SCFD2: variants seen among roughly 807,000 people sequenced by gnomAD.
SCFD2 encodes sec1 family domain-containing protein 2.
In SCFD2, 54 loss-of-function variants were observed where a neutral mutation model predicts 58.9. The ratio of observed to expected loss-of-function variants is 0.92; its 90% CI spans 0.74 to 1.15. SCFD2 has a LOEUF of 1.15. SCFD2 is among the 50% of genes most tolerant of loss of function. The pLI is 0.00. For missense variants in SCFD2, 805 were observed against 836.6 expected (o/e 0.96, Z 0.47); for synonymous variants, 321 against 335.9 (o/e 0.96, Z 0.49).
At chr4:53,221,559 T>TC (rs1729047873) in intron 4 of SCFD2, among the ~76,000 whole-genome samples, 1 of 152,242 alleles carries the variant, frequency 6.6e-6, no homozygotes, top group African/African-American at 2.4e-5. Context: ...TAACTTCCTC[T>TC]CCAATAGTGA....
intron 5 of SCFD2, among the ~76,000 whole-genome samples, chr4:52,963,869 C>G (rs1034652087): frequency 2.0e-5 from 3 of 152,064 alleles, no homozygotes; most frequent in Admixed American, 6.6e-5. Flanking sequence ...GCAATGGCTG[C>G]GCAACATTAA....
intron 5 of SCFD2, among the ~76,000 whole-genome samples, chr4:52,986,660 G>A (rs747762923): frequency 1.7e-4 from 25 of 151,502 alleles, no homozygotes; most frequent in African/African-American, 5.8e-4. Flanking sequence ...CACCACGCTC[G>A]GCTAAAATTT....
At chr4:53,335,760 AGCTAAAATATAAAAGTTGAGTAT>A (rs1733665622) in intron 2 of SCFD2, among the ~76,000 whole-genome samples, 1 of 152,330 alleles carries the variant, frequency 6.6e-6, no homozygotes, top group South Asian at 2.1e-4. Context: ...AATACCAAGC[AGCTAAAATATAAAAGTTGAGTAT>A]GTGAATGAGG....
At chr4:52,942,777 C>A (rs1237473667) in intron 5 of SCFD2, among the ~76,000 whole-genome samples, 2 of 152,114 alleles carry the variant, frequency 1.3e-5, no homozygotes, top group Non-Finnish European at 2.9e-5. Flanking sequence ...GTATTTCACT[C>A]CACTTAATAT....
intron 4 of SCFD2, among the ~76,000 whole-genome samples, chr4:53,178,759 T>C (rs1560371540): frequency 6.6e-6 from 1 of 152,012 alleles, no homozygotes; most frequent in Non-Finnish European, 1.5e-5. Context: ...GAAAAAAAAT[T>C]AGACGAATGG....
chr4:53,273,718 A>G, intron 4 of SCFD2, 108 bp downstream of exon 4: 1 of 981,780 alleles, frequency 1.0e-6, no homozygotes, highest in East Asian at 2.7e-5. Flanking sequence ...AGCAGGGCAC[A>G]TGTCAACAAT....
At position 53,354,018 on chromosome 4, in the gene SCFD2, C is replaced by T. The variant is rs185541706; in HGVS notation, c.839-1252G>A. On this transcript the variant is annotated intron_variant, in intron 1 of 8. Coordinates refer to ENST00000401642, the MANE Select transcript of SCFD2 (RefSeq NM_152540.4). Reference sequence around the variant, plus strand: ...CCCAACTCAAGAGCCCAGCTAGCTTCGCCTAGTGGATCACGCGCCAGGGCT... The same window carrying T: ...CCCAACTCAAGAGCCCAGCTAGCTTTGCCTAGTGGATCACGCGCCAGGGCT... 9.8e-4 allele frequency among the ~76,000 whole-genome samples: 149 copies of T among 152,372 alleles called. 1 individual carries two copies. Among genetic ancestry groups the T allele is most frequent in the African/African-American group, 3.3e-3 (136 of 41,592 alleles).
intron 5 of SCFD2, among the ~76,000 whole-genome samples, chr4:53,094,625 A>T (rs530030394): frequency 6.6e-6 from 1 of 152,198 alleles, no homozygotes; most frequent in East Asian, 1.9e-4. Flanking sequence ...AAGTATTGGC[A>T]ACTCTGCTCT....
intron 5 of SCFD2, among the ~76,000 whole-genome samples, chr4:53,085,333 TA>T (rs1724273569): frequency 6.6e-6 from 1 of 151,702 alleles, no homozygotes; most frequent in African/African-American, 2.4e-5. Flanking sequence ...ACCAAAGAAG[TA>T]AAAAATGTCT....
At chr4:52,880,182 C>T (rs773880679) in intron 8 of SCFD2, among the ~76,000 whole-genome samples, 3 of 152,130 alleles carry the variant, frequency 2.0e-5, no homozygotes, top group East Asian at 1.9e-4. Context: ...CAGATCTTTT[C>T]GCTGTTGTCT....
chr4:52,962,663 AAT>A (rs1421793346), intron 5 of SCFD2, among the ~76,000 whole-genome samples: 1 of 151,456 alleles, frequency 6.6e-6, no homozygotes, highest in Non-Finnish European at 1.5e-5. Context: ...CTATGATGAA[AAT>A]AGTTTAGAGG....
intron 5 of SCFD2, among the ~76,000 whole-genome samples, chr4:53,059,659 C>T (rs902811889): frequency 2.6e-5 from 4 of 151,636 alleles, no homozygotes; most frequent in Non-Finnish European, 4.4e-5. Flanking sequence ...AATCTGCATT[C>T]CTCTTCTTCC....
chr4:53,338,046 G>A (rs879833468), intron 2 of SCFD2, among the ~76,000 whole-genome samples: 3 of 152,186 alleles, frequency 2.0e-5, no homozygotes, highest in Non-Finnish European at 4.4e-5. Context: ...GCAAAGGAAT[G>A]CCAAGTCAGC....
At chr4:53,303,025 C>T (rs1732370488) in intron 3 of SCFD2, among the ~76,000 whole-genome samples, 1 of 152,150 alleles carries the variant, frequency 6.6e-6, no homozygotes, top group African/African-American at 2.4e-5. Flanking sequence ...CAATACCATT[C>T]AGGACATAGG....
At chr4:53,080,752 A>C (rs1724122501) in intron 5 of SCFD2, among the ~76,000 whole-genome samples, 1 of 152,192 alleles carries the variant, frequency 6.6e-6, no homozygotes, top group African/African-American at 2.4e-5. Flanking sequence ...ACCAGGTTTC[A>C]AAACCTCAAA....
rs1297897689 is a variant in SCFD2, at chr4:53,020,558, C to T, written c.1562-99688G>A. Among the ~76,000 whole-genome samples, 5 of 152,272 alleles carry T rather than the reference C, an allele frequency of 3.3e-5. No homozygotes were observed. In the East Asian group the frequency reaches 7.7e-4, roughly 24 times the overall value. ...AGCTCTGGTGTTGGTATACCCTCATCGACTCCCATGACCCTATGCCTGAAA... is the reference window on the plus strand; with the variant it reads ...AGCTCTGGTGTTGGTATACCCTCATTGACTCCCATGACCCTATGCCTGAAA... On this transcript the variant is annotated intron_variant, in intron 5 of 8. Coordinates refer to ENST00000401642, the MANE Select transcript of SCFD2 (RefSeq NM_152540.4).
chr4:53,073,457 C>T (rs958126512), intron 5 of SCFD2, among the ~76,000 whole-genome samples: 25 of 152,094 alleles, frequency 1.6e-4, no homozygotes, highest in African/African-American at 5.8e-4. Flanking sequence ...CTATAATTTA[C>T]CTGAACCATT....
intron 5 of SCFD2, chr4:52,951,158 C>T (rs117132665): frequency 6.6e-6 from 1 of 152,148 alleles, no homozygotes; most frequent in Non-Finnish European, 1.5e-5. Context: ...TTGATTGATT[C>T]ATTCATTCAT....
intron 4 of SCFD2, among the ~76,000 whole-genome samples, chr4:53,248,096 G>T (rs1470810312): frequency 2.0e-5 from 3 of 152,200 alleles, no homozygotes; most frequent in African/African-American, 7.2e-5. Flanking sequence ...GCAGGGCGAG[G>T]CATTGCCTCA....
Sources: gnomAD v4.1 joint callset for allele counts (sites outside exome capture counted in the v4.1 genomes callset) on GRCh38, gnomAD v4.1.1 for gene constraint, MANE v1.5 for transcripts, NCBI Gene and HGNC (gene_info 2026-07-23, HGNC 2026-07-21) for gene names.